The following PRXL2B variants were observed in gnomAD, a reference collection of about 807,000 sequenced individuals.
PRXL2B encodes the protein prostamide/prostaglandin F synthase.
A neutral mutation model predicts 24.4 loss-of-function variants in PRXL2B; 26 were observed. The observed-to-expected ratio is 1.07, with a 90% CI of 0.78 to 1.48. The LOEUF (loss-of-function observed/expected upper bound fraction) is 1.48. Ranked by LOEUF, PRXL2B falls within the 40% of genes most tolerant of loss-of-function variation. The pLI is 0.00. For synonymous variants in PRXL2B, 115 were observed against 118.9 expected (o/e 0.97, Z 0.21); for missense variants, 269 against 264.8 (o/e 1.02, Z -0.11).
At position 2,587,315 on chromosome 1, in the gene PRXL2B, G is replaced by T. The variant is rs1295984090; in HGVS notation, c.268+20G>T. 5.2e-6 allele frequency: 8 copies of T among 1,547,356 alleles called. No homozygotes were observed. The highest frequency in any genetic ancestry group is 6.9e-6 in the Non-Finnish European group (8 of 1,152,766). ...CGGGAGGTGCGTCCTGTTCCCCGCCGCGGCGGCGCACATACCCTTCCCTAA... is the reference window on the plus strand; with the variant it reads ...CGGGAGGTGCGTCCTGTTCCCCGCCTCGGCGGCGCACATACCCTTCCCTAA... On this transcript the variant is annotated intron_variant, in intron 2 of 6. Coordinates refer to ENST00000419916, the MANE Select transcript of PRXL2B (RefSeq NM_152371.5). The surrounding 1 kb of genome is among the most constrained non-coding windows in gnomAD (Gnocchi z 6.1).
In PRXL2B at chr1:2,588,532, T is replaced by C; in HGVS notation, c.385-18T>C. ...CCTTTCTTCTAGGATTGACTCAGGC[T>C]GTACCCACTCCTGACAGGCCAAGGC... On this transcript the variant is annotated intron_variant, in intron 4 of 6. Transcript: ENST00000419916. 8.1e-6 allele frequency: 13 copies of C among 1,614,106 alleles called. No homozygotes were observed. The highest frequency in any genetic ancestry group is 1.0e-5 in the Non-Finnish European group (12 of 1,179,976).
At chr1:2,588,682 T>G (rs1229556029) in intron 5 of PRXL2B, 57 bp downstream of exon 5, 12 of 1,574,994 alleles carry the variant, frequency 7.6e-6, no homozygotes, top group African/African-American at 4.0e-5. Flanking sequence ...CTGAACTTGG[T>G]GGCCCAGCCC....
Position 2,590,975 on chromosome 1 carries a change from G to A in PRXL2B, c.*1548G>A, listed in dbSNP as rs370527323. ...AGCGGGTGGGCGTGGGCCGCACAGC[G>A]CGGCAGGGCCTTGGCTACCACACGC... On this transcript the variant is annotated 3_prime_UTR_variant, in exon 7 of 7. Transcript: ENST00000419916. 405 of 1,552,694 alleles carry A rather than the reference G, an allele frequency of 2.6e-4. No homozygotes were observed. The highest frequency in any genetic ancestry group is 3.3e-4 in the Non-Finnish European group (384 of 1,149,640).
At position 2,587,895 on chromosome 1, in the gene PRXL2B, C is replaced by T; in HGVS notation, c.320+103C>T. The T allele has an allele frequency of 7.4e-7, 1 of 1,345,810 alleles. No individual in the cohort carries two copies. Among genetic ancestry groups the T allele is most frequent in the African/African-American group, 1.5e-5 (1 of 68,884 alleles). The allele number at this position is 1,345,810 out of a possible 1,614,324, so 83.4% of individuals were successfully genotyped here. A position where few individuals can be genotyped will look rare whatever the true frequency, so the allele number is the denominator to read the frequency against. ...CCCTGCTGCCCTCTGTGGTGCTGTCCACTCGGGCCTTCCTGGGCAAGGCGG... is the reference window on the plus strand; with the variant it reads ...CCCTGCTGCCCTCTGTGGTGCTGTCTACTCGGGCCTTCCTGGGCAAGGCGG... On this transcript the variant is annotated intron_variant, in intron 3 of 6. Coordinates refer to ENST00000419916, the MANE Select transcript of PRXL2B (RefSeq NM_152371.5). The surrounding 1 kb of genome is among the most constrained non-coding windows in gnomAD (Gnocchi z 6.1).
chr1:2,589,315 A>T (rs1644617961), intron 6 of PRXL2B, 95 bp from the exon 7 acceptor site: 4 of 1,527,164 alleles, frequency 2.6e-6, no homozygotes, highest in African/African-American at 1.4e-5. Context: ...GTGTCCTCTC[A>T]GCCTTGGGAG....
upstream of PRXL2B, chr1:2,586,776 C>CGGGGCTT: frequency 8.2e-7 from 1 of 1,226,454 alleles, no homozygotes; most frequent in Non-Finnish European, 1.0e-6. Context: ...CATCTCGGGG[C>CGGGGCTT]GGGGCTTGGG....
Position 2,587,977 on chromosome 1 carries a change from A to C in PRXL2B, c.320+185A>C, listed in dbSNP as rs1247287069. ...CAGGCCTTCTCTTGGGTGCTGGGTG[A>C]CTGTAATGAGCCACCTCGTCCGGGG... On this transcript the variant is annotated intron_variant, in intron 3 of 6. Transcript: ENST00000419916. This position sits in a 1 kb window ranked among gnomAD's most constrained non-coding sequence, Gnocchi z 6.1. Among the ~76,000 whole-genome samples the C allele has an allele frequency of 6.7e-6, 1 of 150,008 alleles. No homozygotes were observed. Among genetic ancestry groups the C allele is most frequent in the Non-Finnish European group, 1.5e-5 (1 of 67,698 alleles).
chr1:2,591,452 CTG>C lies in PRXL2B; in HGVS notation c.*2027_*2028del, dbSNP rs1644704054. The C allele has an allele frequency of 2.2e-6, 2 of 920,316 alleles. No individual in the cohort carries two copies. The highest frequency in any genetic ancestry group is 1.3e-5 in the South Asian group (1 of 74,762). 57.0% of individuals were successfully genotyped at this position (920,316 alleles called of 1,614,324 possible). A position where few individuals can be genotyped will look rare whatever the true frequency, so the allele number is the denominator to read the frequency against. On this transcript the variant is annotated 3_prime_UTR_variant, in exon 7 of 7. Transcript: ENST00000419916. ...TCTCAGGTTTATTCCCAAAATAAAC[CTG>C]TCTCTGTTGAGCCACTTTTTGTGCT...
intron 3 of PRXL2B, 45 bp from the exon 4 acceptor site, chr1:2,588,345 C>G: frequency 6.2e-7 from 1 of 1,613,898 alleles, no homozygotes; most frequent in Non-Finnish European, 8.5e-7. Flanking sequence ...GGCTCTGGAC[C>G]CAGGCTTCTC....
Position 2,588,649 on chromosome 1 carries a change from C to T in PRXL2B, c.460+24C>T, listed in dbSNP as rs372666430. The T allele has an allele frequency of 1.7e-4, 275 of 1,610,028 alleles. 2 individuals carry two copies. In the Middle Eastern group the frequency reaches 2.5e-3, roughly 15 times the overall value. On this transcript the variant is annotated intron_variant, in intron 5 of 6. Coordinates refer to ENST00000419916, the MANE Select transcript of PRXL2B (RefSeq NM_152371.5). ...AGGTGGGTCGAGGGAGGGGCCTCGGCCACTGCCTCAAGGAGGGCCTTGCTG... is the reference window on the plus strand; with the variant it reads ...AGGTGGGTCGAGGGAGGGGCCTCGGTCACTGCCTCAAGGAGGGCCTTGCTG...
chr1:2,591,006 C>A lies in PRXL2B; in HGVS notation c.*1579C>A. ...GGGCCTTGGCTACCACACGCGGCAT[C>A]GCTCCTTGGGGTGCATGGGGGTGCC... On this transcript the variant is annotated 3_prime_UTR_variant, in exon 7 of 7. Coordinates refer to ENST00000419916, the MANE Select transcript of PRXL2B (RefSeq NM_152371.5). The A allele has an allele frequency of 6.3e-7, 1 of 1,596,334 alleles. No homozygotes were observed. The highest frequency in any genetic ancestry group is 8.5e-7 in the Non-Finnish European group (1 of 1,173,046).
chr1:2,591,004 A>T lies in PRXL2B; in HGVS notation c.*1577A>T. On this transcript the variant is annotated 3_prime_UTR_variant, in exon 7 of 7. Coordinates refer to ENST00000419916, the MANE Select transcript of PRXL2B (RefSeq NM_152371.5). Reference sequence around the variant, plus strand: ...CAGGGCCTTGGCTACCACACGCGGCATCGCTCCTTGGGGTGCATGGGGGTG... The same window carrying T: ...CAGGGCCTTGGCTACCACACGCGGCTTCGCTCCTTGGGGTGCATGGGGGTG... 6.3e-7 allele frequency: 1 copy of T among 1,596,422 alleles called. No individual in the cohort carries two copies. Among genetic ancestry groups the T allele is most frequent in the Non-Finnish European group, 8.5e-7 (1 of 1,173,136 alleles).
Position 2,591,103 on chromosome 1 carries a change from G to T in PRXL2B, c.*1676G>T. On this transcript the variant is annotated 3_prime_UTR_variant, in exon 7 of 7. Coordinates refer to ENST00000419916, the MANE Select transcript of PRXL2B (RefSeq NM_152371.5). ...GACCCCAGTACCCTGTGGGTGGGTG[G>T]GTGTGACAGCAGGAGCATTGCCATC... 4 of 1,540,808 alleles carry T rather than the reference G, an allele frequency of 2.6e-6. No homozygotes were observed. Among genetic ancestry groups the T allele is most frequent in the Non-Finnish European group, 3.5e-6 (4 of 1,141,160 alleles).
rs1644639026 is a variant in PRXL2B, at chr1:2,589,913, A to T, written c.*486A>T. The T allele has an allele frequency of 6.0e-6, 1 of 167,908 alleles. No homozygotes were observed. The highest frequency in any genetic ancestry group is 1.3e-5 in the Non-Finnish European group (1 of 78,480). The allele number at this position is 167,908 out of a possible 1,614,324, so 10.4% of individuals were successfully genotyped here. A position where few individuals can be genotyped will look rare whatever the true frequency, so the allele number is the denominator to read the frequency against. On this transcript the variant is annotated 3_prime_UTR_variant, in exon 7 of 7. Transcript: ENST00000419916. Reference sequence around the variant, plus strand: ...GGTTTTCAGGGCAGAGATGGGCTTGATTCCACCTGGTGGGGTGGGTGGACC... The same window carrying T: ...GGTTTTCAGGGCAGAGATGGGCTTGTTTCCACCTGGTGGGGTGGGTGGACC...
upstream of PRXL2B, chr1:2,586,636 C>A: frequency 1.1e-6 from 1 of 872,506 alleles, no homozygotes; most frequent in Non-Finnish European, 1.5e-6. Context: ...TCCGAGGGGG[C>A]GGAGCAGGGC....
Position 2,587,063 on chromosome 1 carries a change from G to A in PRXL2B, c.64-28G>A. 6.9e-7 allele frequency: 1 copy of A among 1,447,142 alleles called. No individual in the cohort carries two copies. Among genetic ancestry groups the A allele is most frequent in the Non-Finnish European group, 9.0e-7 (1 of 1,110,064 alleles). 89.6% of individuals were successfully genotyped at this position (1,447,142 alleles called of 1,614,324 possible). ...CCTGGGCGGGGCTGGGGGCAACGGG[G>A]CGCGCCCATGACCCAGCCGCCCGGC... On this transcript the variant is annotated intron_variant, in intron 1 of 6. Coordinates refer to ENST00000419916, the MANE Select transcript of PRXL2B (RefSeq NM_152371.5). This position sits in a 1 kb window ranked among gnomAD's most constrained non-coding sequence, Gnocchi z 6.1.
At position 2,587,238 on chromosome 1, in the gene PRXL2B, G is replaced by T; in HGVS notation, c.211G>T (p.Val71Leu). 6.3e-7 allele frequency: 1 copy of T among 1,576,792 alleles called. No homozygotes were observed. The change falls in exon 2 of 7, where the codon GTA becomes TTA. Residue 71 changes from valine to leucine, a missense_variant. Physicochemically the swap from Val to Leu is conservative, Grantham distance 32. Transcript: ENST00000419916. The surrounding 1 kb of genome is among the most constrained non-coding windows in gnomAD (Gnocchi z 6.1). ...CCAACACGGCGTGCGCCTGGTGGGCGTAGGGCCCGAGGCCCTGGGTCTGCA... is the reference window on the plus strand; with the variant it reads ...CCAACACGGCGTGCGCCTGGTGGGCTTAGGGCCCGAGGCCCTGGGTCTGCA... Reference protein sequence around the residue: ...LDQHGVRLVGVGPEALGLQEF... With the variant: ...LDQHGVRLVGLGPEALGLQEF...
At position 2,586,810 on chromosome 1, in the gene PRXL2B, GGGATCCAGGAGCGA is replaced by G; in HGVS notation, c.-72_-59del. 5.5e-6 allele frequency: 7 copies of G among 1,263,964 alleles called. No individual in the cohort carries two copies. The highest frequency in any genetic ancestry group is 7.0e-6 in the Non-Finnish European group (7 of 1,005,972). 78.3% of individuals were successfully genotyped at this position (1,263,964 alleles called of 1,614,324 possible). A position where few individuals can be genotyped will look rare whatever the true frequency, so the allele number is the denominator to read the frequency against. On this transcript the variant is annotated 5_prime_UTR_variant, in exon 1 of 7. Coordinates refer to ENST00000419916, the MANE Select transcript of PRXL2B (RefSeq NM_152371.5). The stretch of plus-strand genomic sequence containing the variant: ...GGGCTGGATCTATGAGCCGGGAGCG[GGGATCCAGGAGCGA>G]GGAGCCGGGAGCGGGGAACAGGGAG...
rs750932191 is a variant in PRXL2B, at chr1:2,587,219, C to T, written c.192C>T (p.His64=). ...GCCTTGCTGGGCTCCTGGACCAACA[C>T]GGCGTGCGCCTGGTGGGCGTAGGGC... ...LSSLAGLLDQ[H]GVRLVGVGPE... is the part of the protein sequence containing the mutation. Residue 64 remains histidine (H), a synonymous_variant, in exon 2 of 7, where the codon CAC becomes CAT. Transcript: ENST00000419916. This position sits in a 1 kb window ranked among gnomAD's most constrained non-coding sequence, Gnocchi z 6.1. The T allele has an allele frequency of 1.3e-6, 2 of 1,572,418 alleles. No individual in the cohort carries two copies. The highest frequency in any genetic ancestry group is 1.2e-5 in the South Asian group (1 of 86,748).
Sources: gnomAD v4.1 joint callset for allele counts (sites outside exome capture counted in the v4.1 genomes callset) on GRCh38, gnomAD v4.1.1 for gene constraint, Gnocchi (gnomAD v3.1) non-coding constraint, MANE v1.5 for transcripts, NCBI Gene and HGNC (gene_info 2026-07-23, HGNC 2026-07-21) for gene names.